Variants in ATP8B2 observed in about 807,000 individuals in gnomAD.
ATP8B2 encodes the protein ATPase phospholipid transporting 8B2.
Under a neutral mutation model 133.4 loss-of-function variants are expected in ATP8B2, and 70 were observed. The ratio of observed to expected loss-of-function variants is 0.52; its 90% CI spans 0.43 to 0.64. ATP8B2 has a LOEUF of 0.64. ATP8B2 is among the 30% of genes least tolerant of loss of function. The pLI is 0.00. For synonymous variants in ATP8B2, 517 were observed against 589.5 expected (o/e 0.88, Z 1.78); for missense variants, 1,101 against 1,535.7 (o/e 0.72, Z 4.73).
intron 12 of ATP8B2, among the ~76,000 whole-genome samples, chr1:154,339,084 T>C (rs1408529859): frequency 6.6e-6 from 1 of 152,250 alleles, no homozygotes; most frequent in African/African-American, 2.4e-5. Flanking sequence ...ATGGAGGTGC[T>C]GAAAACTTGT....
At chr1:154,330,253 G>C in intron 2 of ATP8B2, 143 bp from the exon 3 acceptor site, 1 of 657,592 alleles carries the variant, frequency 1.5e-6, no homozygotes, top group Non-Finnish European at 2.7e-6. Flanking sequence ...AGGTGGACTG[G>C]AGGGAAGAAT....
At position 154,343,229 on chromosome 1, in the gene ATP8B2, G is replaced by A; in HGVS notation, c.1570G>A (p.Gly524Ser). 6.2e-7 allele frequency: 1 copy of A among 1,614,070 alleles called. No homozygotes were observed. The highest frequency in any genetic ancestry group is 8.5e-7 in the Non-Finnish European group (1 of 1,180,016). Reference protein sequence around the residue: ...TPKTITVHEMGTAITYQLLAI... With the variant: ...TPKTITVHEMSTAITYQLLAI... The stretch of plus-strand genomic sequence containing the variant: ...CAAAACAATCACCGTCCATGAGATG[G>A]GCACAGCCATCACCTACCAGCTGCT... The change falls in exon 16 of 28, where the codon GGC becomes AGC. Residue 524 changes from glycine to serine, a missense_variant. Transcript: ENST00000368489. This position sits in a 1 kb window ranked among gnomAD's most constrained non-coding sequence, Gnocchi z 5.8.
chr1:154,349,290 G>C lies in ATP8B2; in HGVS notation c.*172G>C, dbSNP rs917116085. ...GCTGGGACATCTGTTCCCAGCTGTA[G>C]GCCCTTCCACCAGCTGGGGAGCTAG... On this transcript the variant is annotated 3_prime_UTR_variant, in exon 28 of 28. Coordinates refer to ENST00000368489, the MANE Select transcript of ATP8B2 (RefSeq NM_001370597.1). 1 of 937,858 alleles carries C rather than the reference G, an allele frequency of 1.1e-6. No homozygotes were observed. Among genetic ancestry groups the C allele is most frequent in the Non-Finnish European group, 1.6e-6 (1 of 642,948 alleles). The allele number at this position is 937,858 out of a possible 1,614,324, so 58.1% of individuals were successfully genotyped here.
rs910659934 is a variant in ATP8B2 at position 154,330,029 on chromosome 1, C to G, written c.32-367C>G. Among the ~76,000 whole-genome samples, 3 of 152,156 alleles carry G rather than the reference C, an allele frequency of 2.0e-5. No homozygotes were observed. In the East Asian group the frequency reaches 5.8e-4, roughly 29 times the overall value. On this transcript the variant is annotated intron_variant, in intron 2 of 27. Transcript: ENST00000368489. ...GAAGCTTTGCGTTTTCAGCGCTACTCCTTGATTATGACAATGTATGCATTA... is the reference window on the plus strand; with the variant it reads ...GAAGCTTTGCGTTTTCAGCGCTACTGCTTGATTATGACAATGTATGCATTA...
Position 154,337,334 on chromosome 1 carries a change from T to A in ATP8B2, c.838-14T>A, listed in dbSNP as rs1558271086. On this transcript the variant is annotated splice_polypyrimidine_tract_variant and intron_variant, in intron 11 of 27. Transcript: ENST00000368489. ...TACATGTCAGCCTCGCCTGTGCTTCTCATTCCTCCCCAGATTTTTGGATTC... is the reference window on the plus strand; with the variant it reads ...TACATGTCAGCCTCGCCTGTGCTTCACATTCCTCCCCAGATTTTTGGATTC... The A allele has an allele frequency of 6.2e-7, 1 of 1,607,118 alleles. No homozygotes were observed. Among genetic ancestry groups the A allele is most frequent in the East Asian group, 2.2e-5 (1 of 44,782 alleles).
Position 154,344,946 on chromosome 1 carries a change from T to G in ATP8B2, c.2287-25T>G, listed in dbSNP as rs1686530385. ...CCAGGTGTCTCCTGGAAAGACTGGCTCTCTCAGGTTTCTCTGTGCTCCAGG... is the reference window on the plus strand; with the variant it reads ...CCAGGTGTCTCCTGGAAAGACTGGCGCTCTCAGGTTTCTCTGTGCTCCAGG... On this transcript the variant is annotated intron_variant, in intron 21 of 27. Coordinates refer to ENST00000368489, the MANE Select transcript of ATP8B2 (RefSeq NM_001370597.1). This position sits in a 1 kb window ranked among gnomAD's most constrained non-coding sequence, Gnocchi z 4.1. The G allele has an allele frequency of 6.9e-6, 11 of 1,595,560 alleles. No individual in the cohort carries two copies. The highest frequency in any genetic ancestry group is 9.4e-6 in the Non-Finnish European group (11 of 1,169,548).
At position 154,328,805 on chromosome 1, in the gene ATP8B2, C is replaced by T. The variant is rs1331375328; in HGVS notation, c.31+633C>T. On this transcript the variant is annotated intron_variant, in intron 2 of 27. Transcript: ENST00000368489. The surrounding 1 kb of genome is among the most constrained non-coding windows in gnomAD (Gnocchi z 4.6). Reference sequence around the variant, plus strand: ...GGCGGCGGCGGCGCAGCTGAGCTCGCGGTGTCCCCGAGCGCCGGCGGCCGG... The same window carrying T: ...GGCGGCGGCGGCGCAGCTGAGCTCGTGGTGTCCCCGAGCGCCGGCGGCCGG... The T allele has an allele frequency of 4.9e-6, 5 of 1,024,210 alleles. No individual in the cohort carries two copies. In the African/African-American group the frequency reaches 7.0e-5, roughly 14 times the overall value. The allele number at this position is 1,024,210 out of a possible 1,614,324, so 63.4% of individuals were successfully genotyped here.
Position 154,343,643 on chromosome 1 carries a change from T to C in ATP8B2, c.1758+75T>C. ...TGGGGGAGGCGACTTAAGTTTGTTT[T>C]ATTGTGTAAATTTAAGGTCTACAAC... On this transcript the variant is annotated intron_variant, in intron 17 of 27. Coordinates refer to ENST00000368489, the MANE Select transcript of ATP8B2 (RefSeq NM_001370597.1). This position sits in a 1 kb window ranked among gnomAD's most constrained non-coding sequence, Gnocchi z 5.8. 2 of 1,392,660 alleles carry C rather than the reference T, an allele frequency of 1.4e-6. No homozygotes were observed. The allele number at this position is 1,392,660 out of a possible 1,614,324, so 86.3% of individuals were successfully genotyped here. A position where few individuals can be genotyped will look rare whatever the true frequency, so the allele number is the denominator to read the frequency against.
intron 1 of ATP8B2, among the ~76,000 whole-genome samples, chr1:154,327,316 C>T (rs1685821219): frequency 2.0e-5 from 3 of 152,006 alleles, no homozygotes; most frequent in African/African-American, 7.3e-5. Flanking sequence ...TAAGGCCAGG[C>T]CTTGAACCTT....
chr1:154,349,210 T>C lies in ATP8B2; in HGVS notation c.*92T>C. 1 of 1,461,440 alleles carries C rather than the reference T, an allele frequency of 6.8e-7. No homozygotes were observed. Among genetic ancestry groups the C allele is most frequent in the Non-Finnish European group, 9.2e-7 (1 of 1,083,000 alleles). 90.5% of individuals were successfully genotyped at this position (1,461,440 alleles called of 1,614,324 possible). A position where few individuals can be genotyped will look rare whatever the true frequency, so the allele number is the denominator to read the frequency against. On this transcript the variant is annotated 3_prime_UTR_variant, in exon 28 of 28. Coordinates refer to ENST00000368489, the MANE Select transcript of ATP8B2 (RefSeq NM_001370597.1). ...AGCGTCTCGGAACTGCTGGTCCTCA[T>C]TCCTTGCTTCCCGTCCCCCCGGTAG... is the stretch of plus-strand genomic sequence containing the variant.
chr1:154,348,438 C>T lies in ATP8B2; in HGVS notation c.3194C>T (p.Thr1065Met), dbSNP rs752212863. ...GCCCAGAACACCTTGGCCCAGCCCA[C>T]GGTGTGGCTGACCATTGTGCTCACC... Reference protein sequence around the residue: ...GNAQNTLAQPTVWLTIVLTTV... With the variant: ...GNAQNTLAQPMVWLTIVLTTV... Residue 1065 changes from threonine to methionine, a missense_variant, in exon 27 of 28, where the codon ACG (threonine) becomes ATG (methionine). Thr to Met is a moderately conservative substitution (Grantham distance 81, BLOSUM62 -1). Coordinates refer to ENST00000368489, the MANE Select transcript of ATP8B2 (RefSeq NM_001370597.1). 71 of 1,612,794 alleles carry T rather than the reference C, an allele frequency of 4.4e-5. No individual in the cohort carries two copies. The Admixed American group carries it at 5.3e-4, about 12-fold the overall frequency.
rs1229990278 is a variant in ATP8B2 at position 154,331,107 on chromosome 1, C to A, written c.264C>A (p.Val88=). Residue 88 remains valine (V), a synonymous_variant, in exon 5 of 28, where the codon GTC becomes GTA. Coordinates refer to ENST00000368489, the MANE Select transcript of ATP8B2 (RefSeq NM_001370597.1). The surrounding 1 kb of genome is among the most constrained non-coding windows in gnomAD (Gnocchi z 4.8). ...WFTTIVPLVL[V]LTITAVKDAT... is the part of the protein sequence containing the mutation. ...CCACCATTGTGCCTTTGGTTCTTGT[C>A]CTCACCATCACAGCTGTTAAAGATG... The A allele has an allele frequency of 8.1e-6, 13 of 1,613,982 alleles. No individual in the cohort carries two copies. Among genetic ancestry groups the A allele is most frequent in the African/African-American group, 1.3e-5 (1 of 74,920 alleles).
chr1:154,343,062 C>A lies in ATP8B2; in HGVS notation c.1454-51C>A. On this transcript the variant is annotated intron_variant, in intron 15 of 27. Coordinates refer to ENST00000368489, the MANE Select transcript of ATP8B2 (RefSeq NM_001370597.1). This position sits in a 1 kb window ranked among gnomAD's most constrained non-coding sequence, Gnocchi z 5.8. ...GGGCTGGGGCTTCCTGGGCGGGGCA[C>A]GTGGCTGAGGGAAGCCACTTATATC... 11 of 1,595,232 alleles carry A rather than the reference C, an allele frequency of 6.9e-6. No individual in the cohort carries two copies. Among genetic ancestry groups the A allele is most frequent in the Non-Finnish European group, 8.6e-6 (10 of 1,169,012 alleles).
intron 9 of ATP8B2, 120 bp downstream of exon 9, chr1:154,332,817 G>A (rs1264104337): frequency 6.7e-6 from 5 of 744,014 alleles, no homozygotes; most frequent in Non-Finnish European, 2.3e-6. Flanking sequence ...TCCCTGGACT[G>A]TTTTGGGGAG....
chr1:154,337,849 G>A, intron 12 of ATP8B2: 1 of 1,045,380 alleles, frequency 9.6e-7, no homozygotes, highest in Non-Finnish European at 1.3e-6. Flanking sequence ...ATTAGGAATG[G>A]ATCTCCTTCC....
Position 154,343,564 on chromosome 1 carries a change from T to G in ATP8B2, c.1754T>G (p.Leu585Arg). ...CTGCTCAACACCACCATGGACCACC[T>G]TAATGTGGGTGTGAGGAGAGGAGGG... ...QELLNTTMDH[L>R]NEYAGEGLRT... is the part of the protein sequence containing the mutation. Residue 585 changes from leucine (L) to arginine (R), a missense_variant, in exon 17 of 28, where the codon CTT becomes CGT. Transcript: ENST00000368489. The surrounding 1 kb of genome is among the most constrained non-coding windows in gnomAD (Gnocchi z 5.8). 6.2e-7 allele frequency: 1 copy of G among 1,613,706 alleles called. No homozygotes were observed. Among genetic ancestry groups the G allele is most frequent in the Non-Finnish European group, 8.5e-7 (1 of 1,179,760 alleles).
chr1:154,340,947 C>T lies in ATP8B2; in HGVS notation c.1128C>T (p.Thr376=), dbSNP rs1686360129. 2.5e-6 allele frequency: 4 copies of T among 1,614,044 alleles called. No individual in the cohort carries two copies. The highest frequency in any genetic ancestry group is 1.7e-5 in the Admixed American group (1 of 59,992). ...AGCGGACGCCTGCAGAAGCCCGCACCACCACCCTAAACGAGGAGCTGGGCC... is the reference window on the plus strand; with the variant it reads ...AGCGGACGCCTGCAGAAGCCCGCACTACCACCCTAAACGAGGAGCTGGGCC... ...MKKRTPAEAR[T]TTLNEELGQV... is the part of the protein sequence containing the mutation. Residue 376 remains threonine, a synonymous_variant, in exon 13 of 28, where the codon ACC becomes ACT. Coordinates refer to ENST00000368489, the MANE Select transcript of ATP8B2 (RefSeq NM_001370597.1). The surrounding 1 kb of genome is among the most constrained non-coding windows in gnomAD (Gnocchi z 4.0).
chr1:154,339,957 G>A (rs1686320992), intron 12 of ATP8B2, among the ~76,000 whole-genome samples: 1 of 152,098 alleles, frequency 6.6e-6, no homozygotes, highest in African/African-American at 2.4e-5. Flanking sequence ...GGAGGCGGGA[G>A]GATCTCTTGA....
At position 154,328,785 on chromosome 1, in the gene ATP8B2, C is replaced by A. The variant is rs141140594; in HGVS notation, c.31+613C>A. ...CGCCGGGGGGCATGGGGGGCGGCGG[C>A]GGCGGCGCAGCTGAGCTCGCGGTGT... On this transcript the variant is annotated intron_variant, in intron 2 of 27. Coordinates refer to ENST00000368489, the MANE Select transcript of ATP8B2 (RefSeq NM_001370597.1). The surrounding 1 kb of genome is among the most constrained non-coding windows in gnomAD (Gnocchi z 4.6). The A allele has an allele frequency of 0.12, 123,698 of 1,002,456 alleles. 7,865 individuals are homozygous for A. The highest frequency in any genetic ancestry group is 0.17 in the Admixed American group (2,802 of 16,338). 62.1% of individuals were successfully genotyped at this position (1,002,456 alleles called of 1,614,324 possible). A position where few individuals can be genotyped will look rare whatever the true frequency, so the allele number is the denominator to read the frequency against.
Sources: gnomAD v4.1 joint callset for allele counts (sites outside exome capture counted in the v4.1 genomes callset) on GRCh38, gnomAD v4.1.1 for gene constraint, Gnocchi (gnomAD v3.1) non-coding constraint, MANE v1.5 for transcripts, NCBI Gene and HGNC (gene_info 2026-07-23, HGNC 2026-07-21) for gene names.